The following TAGLN3 variants were observed in gnomAD, a reference collection of about 807,000 sequenced individuals.
TAGLN3 encodes transgelin 3.
TAGLN3 carries 12 observed loss-of-function variants against 25.4 expected under a neutral mutation model. The observed-to-expected ratio is 0.47, with a 90% confidence interval of 0.30 to 0.77. The LOEUF (loss-of-function observed/expected upper bound fraction) is 0.77, where lower values mean the gene tolerates loss of function less well. TAGLN3 is among the 30% of genes least tolerant of loss of function. The pLI, the probability that TAGLN3 is intolerant of heterozygous loss-of-function variation, is 0.06. For missense variants in TAGLN3, 218 were observed against 255.8 expected (o/e 0.85, Z 1.01); for synonymous variants, 96 against 94.8 (o/e 1.01, Z -0.08).
intron 4 of TAGLN3, 82 bp from the exon 5 acceptor site, chr3:112,013,328 C>T (rs2072999569): frequency 3.9e-6 from 6 of 1,526,558 alleles, no homozygotes; most frequent in African/African-American, 1.4e-5. Flanking sequence ...GGACCCCCAG[C>T]AGAGCCTGTC....
intron 3 of TAGLN3, among the ~76,000 whole-genome samples, chr3:112,004,509 C>T (rs1453445705): frequency 6.6e-6 from 1 of 152,136 alleles, no homozygotes; most frequent in Non-Finnish European, 1.5e-5. Flanking sequence ...CAGGAGAGTA[C>T]AGGCTCCTGA....
intron 3 of TAGLN3, among the ~76,000 whole-genome samples, chr3:112,005,534 A>G (rs1480048573): frequency 6.6e-6 from 1 of 152,024 alleles, no homozygotes; most frequent in Non-Finnish European, 1.5e-5. Context: ...TGGAGGTTCA[A>G]ATATATTCTC....
chr3:112,013,100 C>T (rs1187682332), intron 4 of TAGLN3, among the ~76,000 whole-genome samples: 1 of 152,184 alleles, frequency 6.6e-6, no homozygotes, highest in African/African-American at 2.4e-5. Flanking sequence ...GCCACTGATT[C>T]TGCCCTACTC....
At chr3:112,009,052 C>T (rs534190794) in intron 3 of TAGLN3, among the ~76,000 whole-genome samples, 1 of 152,206 alleles carries the variant, frequency 6.6e-6, no homozygotes, top group African/African-American at 2.4e-5. Flanking sequence ...AGGTGCCAGG[C>T]TCTTAAACAG....
At chr3:112,007,576 CCGA>C (rs1355373215) in intron 3 of TAGLN3, among the ~76,000 whole-genome samples, 2 of 152,136 alleles carry the variant, frequency 1.3e-5, no homozygotes, top group Non-Finnish European at 2.9e-5. Flanking sequence ...CAGAAAATTC[CCGA>C]CACTTAGTTG....
intron 3 of TAGLN3, among the ~76,000 whole-genome samples, chr3:112,005,693 CTTTTTTTTCTTTT>C (rs1448310747): frequency 3.8e-5 from 3 of 79,984 alleles, no homozygotes; most frequent in Admixed American, 3.7e-4. Context: ...GCCTAATTTT[CTTTTTTTTCTTTT>C]TTTTTTTTTT....
At chr3:112,003,223 A>G (rs924645470) in intron 3 of TAGLN3, among the ~76,000 whole-genome samples, 1 of 152,118 alleles carries the variant, frequency 6.6e-6, no homozygotes, top group African/African-American at 2.4e-5. Flanking sequence ...ACTCTATGGA[A>G]TGGCCAAAGT....
At position 112,013,609 on chromosome 3, in the gene TAGLN3, A is replaced by G. The variant is rs1222042147; in HGVS notation, c.*58A>G. 3 of 1,611,866 alleles carry G rather than the reference A, an allele frequency of 1.9e-6. No individual in the cohort carries two copies. Among genetic ancestry groups the G allele is most frequent in the Non-Finnish European group, 2.5e-6 (3 of 1,178,646 alleles). On this transcript the variant is annotated 3_prime_UTR_variant, in exon 5 of 5. Coordinates refer to ENST00000478951, the MANE Select transcript of TAGLN3 (RefSeq NM_001008272.2). Reference sequence around the variant, plus strand: ...AATGTTCCACACCATGGTCTCTACGAAAAAGAAATAGTTAGTCACCTTCTG... The same window carrying G: ...AATGTTCCACACCATGGTCTCTACGGAAAAGAAATAGTTAGTCACCTTCTG...
intron 3 of TAGLN3, among the ~76,000 whole-genome samples, chr3:112,001,224 T>G (rs983386882): frequency 7.2e-5 from 11 of 152,244 alleles, no homozygotes; most frequent in African/African-American, 2.7e-4. Context: ...GGTGACATAC[T>G]GCCTTTTATT....
In TAGLN3 at chr3:112,013,470, A is replaced by T. The variant is rs769878191; in HGVS notation, c.519A>T (p.Val173=). ...SEEQLRQGQN[V]IGLQMGSNKG... is the part of the protein sequence containing the mutation. ...AGCAGCTTCGCCAGGGACAGAACGT[A>T]ATAGGCCTGCAGATGGGCAGCAACA... Residue 173 remains valine, a synonymous_variant, in exon 5 of 5, where the codon GTA becomes GTT. Coordinates refer to ENST00000478951, the MANE Select transcript of TAGLN3 (RefSeq NM_001008272.2). The T allele has an allele frequency of 4.0e-5, 64 of 1,614,108 alleles. No homozygotes were observed. Among genetic ancestry groups the T allele is most frequent in the Admixed American group, 3.3e-5 (2 of 60,010 alleles).
chr3:111,999,353 T>A, intron 1 of TAGLN3, 68 bp from the exon 2 acceptor site: 1 of 1,557,638 alleles, frequency 6.4e-7, no homozygotes. Context: ...CAGCCCCGTC[T>A]GCAGGGAGCC....
intron 3 of TAGLN3, among the ~76,000 whole-genome samples, chr3:112,004,796 ACACT>A (rs1358769893): frequency 2.0e-5 from 3 of 151,868 alleles, no homozygotes; most frequent in African/African-American, 7.3e-5. Context: ...GTCTGGAAAG[ACACT>A]CACTCTGTCT....
intron 3 of TAGLN3, among the ~76,000 whole-genome samples, chr3:112,003,633 A>G (rs1321829645): frequency 1.3e-5 from 2 of 152,120 alleles, no homozygotes; most frequent in Non-Finnish European, 2.9e-5. Context: ...TGTGGTTTTA[A>G]TGCTGTCCTC....
Position 112,013,617 on chromosome 3 carries a change from A to C in TAGLN3, c.*66A>C. Reference sequence around the variant, plus strand: ...ACACCATGGTCTCTACGAAAAAGAAATAGTTAGTCACCTTCTGACCTTCTC... The same window carrying C: ...ACACCATGGTCTCTACGAAAAAGAACTAGTTAGTCACCTTCTGACCTTCTC... On this transcript the variant is annotated 3_prime_UTR_variant, in exon 5 of 5. Coordinates refer to ENST00000478951, the MANE Select transcript of TAGLN3 (RefSeq NM_001008272.2). 12 of 1,608,008 alleles carry C rather than the reference A, an allele frequency of 7.5e-6. No homozygotes were observed. Among genetic ancestry groups the C allele is most frequent in the Non-Finnish European group, 1.0e-5 (12 of 1,176,092 alleles).
intron 4 of TAGLN3, 48 bp downstream of exon 4, chr3:112,011,913 G>T: frequency 6.3e-7 from 1 of 1,577,672 alleles, no homozygotes; most frequent in Non-Finnish European, 8.7e-7. Context: ...ATTTTAACCA[G>T]AGGGAGGGTC....
intron 3 of TAGLN3, among the ~76,000 whole-genome samples, chr3:112,006,011 G>A (rs571001207): frequency 4.0e-5 from 6 of 151,732 alleles, no homozygotes; most frequent in South Asian, 4.2e-4. Flanking sequence ...CGCCCACCTC[G>A]GCCTCCCAAA....
At chr3:112,000,187 T>C (rs1397887643) in intron 2 of TAGLN3, among the ~76,000 whole-genome samples, 1 of 152,232 alleles carries the variant, frequency 6.6e-6, no homozygotes, top group Non-Finnish European at 1.5e-5. Flanking sequence ...CATCCTTTCC[T>C]GCAGTCTGTG....
intron 3 of TAGLN3, among the ~76,000 whole-genome samples, chr3:112,003,250 T>G (rs543424589): frequency 6.6e-6 from 1 of 152,214 alleles, no homozygotes; most frequent in South Asian, 2.1e-4. Context: ...AGATTCATTA[T>G]AAGTTGGAGG....
At chr3:112,002,089 G>T (rs2072866574) in intron 3 of TAGLN3, among the ~76,000 whole-genome samples, 1 of 152,158 alleles carries the variant, frequency 6.6e-6, no homozygotes, top group Admixed American at 6.5e-5. Context: ...ATTCAAAACT[G>T]CAGGCCAGGC....
Sources: allele counts gnomAD v4.1 joint callset (sites outside exome capture counted in the v4.1 genomes callset), GRCh38; gene constraint gnomAD v4.1.1; transcripts MANE v1.5; gene names NCBI Gene and HGNC (gene_info 2026-07-23, HGNC 2026-07-21).